ZHX2: variants seen among roughly 807,000 people sequenced by gnomAD.
ZHX2 encodes the protein zinc fingers and homeoboxes protein 2.
A neutral mutation model predicts 21.9 loss-of-function variants in ZHX2; 6 were observed. The observed-to-expected ratio is 0.27, with a 90% confidence interval of 0.15 to 0.54. The LOEUF (loss-of-function observed/expected upper bound fraction) is 0.54, where lower values mean the gene tolerates loss of function less well. ZHX2 is among the 20% of genes least tolerant of loss of function. ZHX2 has a pLI of 0.95. For missense variants in ZHX2, 908 were observed against 1,090.7 expected, an observed-to-expected ratio of 0.83 and a Z score of 2.36; for synonymous variants, 434 against 437.1, an observed-to-expected ratio of 0.99 and a Z score of 0.09.
At chr8:122,832,385 T>C (rs1427312190) in intron 1 of ZHX2, among the ~76,000 whole-genome samples, 1 of 152,176 alleles carries the variant, frequency 6.6e-6, no homozygotes, top group Non-Finnish European at 1.5e-5. Flanking sequence ...AGGCAGGCCG[T>C]CTGAGAACTG....
At chr8:122,915,719 C>T (rs1284843150) in intron 2 of ZHX2, among the ~76,000 whole-genome samples, 1 of 152,178 alleles carries the variant, frequency 6.6e-6, no homozygotes, top group South Asian at 2.1e-4. Context: ...CTCCATGTTG[C>T]GTGTCTCATT....
intron 2 of ZHX2, among the ~76,000 whole-genome samples, chr8:122,914,187 G>C (rs578075894): frequency 2.0e-5 from 3 of 152,348 alleles, no homozygotes; most frequent in Non-Finnish European, 4.4e-5. Flanking sequence ...AAGCAGGCAA[G>C]CCAGCAAGCT....
At chr8:122,960,598 G>A (rs906399012) in intron 3 of ZHX2, among the ~76,000 whole-genome samples, 1 of 152,058 alleles carries the variant, frequency 6.6e-6, no homozygotes, top group African/African-American at 2.4e-5. Flanking sequence ...AAAACCAAAG[G>A]GTTAGACCAA....
intron 3 of ZHX2, among the ~76,000 whole-genome samples, chr8:122,962,332 T>G (rs1354029012): frequency 6.6e-6 from 1 of 152,200 alleles, no homozygotes; most frequent in Non-Finnish European, 1.5e-5. Flanking sequence ...ATGCCTTTGC[T>G]TCCTCATAGC....
At chr8:122,917,756 A>G (rs934322695) in intron 2 of ZHX2, among the ~76,000 whole-genome samples, 1 of 152,178 alleles carries the variant, frequency 6.6e-6, no homozygotes, top group African/African-American at 2.4e-5. Flanking sequence ...ATCACTATCA[A>G]GCCTGTGTTG....
intron 2 of ZHX2, among the ~76,000 whole-genome samples, chr8:122,888,060 C>G (rs968468265): frequency 2.0e-5 from 3 of 152,164 alleles, no homozygotes; most frequent in African/African-American, 7.2e-5. Context: ...ACAGCAGGAG[C>G]CCCCTCTCTA....
At chr8:122,929,936 C>T (rs1269230178) in intron 2 of ZHX2, among the ~76,000 whole-genome samples, 1 of 152,122 alleles carries the variant, frequency 6.6e-6, no homozygotes, top group Non-Finnish European at 1.5e-5. Context: ...TAGTTTTGGT[C>T]CCCATCTTAA....
At chr8:122,853,630 C>A (rs1045720734) in intron 1 of ZHX2, among the ~76,000 whole-genome samples, 4 of 152,136 alleles carry the variant, frequency 2.6e-5, no homozygotes, top group Non-Finnish European at 5.9e-5. Context: ...TTGCTCTGGA[C>A]CTCACCCCTC....
chr8:122,927,385 C>T (rs1329954812), intron 2 of ZHX2, among the ~76,000 whole-genome samples: 3 of 152,140 alleles, frequency 2.0e-5, no homozygotes, highest in Non-Finnish European at 4.4e-5. Context: ...ATCCCAGATA[C>T]TTGGGAGGCC....
intron 1 of ZHX2, among the ~76,000 whole-genome samples, chr8:122,832,257 CT>C (rs1818394037): frequency 6.6e-6 from 1 of 152,170 alleles, no homozygotes; most frequent in Non-Finnish European, 1.5e-5. Flanking sequence ...ACTTAGTACA[CT>C]GCGGTGAGCT....
At chr8:122,822,737 G>A (rs1818180432) in intron 1 of ZHX2, among the ~76,000 whole-genome samples, 1 of 152,214 alleles carries the variant, frequency 6.6e-6, no homozygotes, top group African/African-American at 2.4e-5. Context: ...GGTGAATGTG[G>A]GAAGCCAGCG....
intron 2 of ZHX2, among the ~76,000 whole-genome samples, chr8:122,921,211 A>C (rs1333913714): frequency 2.7e-4 from 41 of 152,176 alleles, no homozygotes; most frequent in Admixed American, 2.6e-3. Context: ...CCTCCTGAGT[A>C]GATGAGATTA....
At chr8:122,933,251 G>C (rs1043825326) in intron 2 of ZHX2, among the ~76,000 whole-genome samples, 6 of 152,162 alleles carry the variant, frequency 3.9e-5, no homozygotes, top group African/African-American at 1.4e-4. Context: ...AAATGAAAAG[G>C]TTACACCAAG....
chr8:122,910,041 C>T (rs16897627), intron 2 of ZHX2, among the ~76,000 whole-genome samples: 3,109 of 152,028 alleles, frequency 0.02, 96 homozygotes, highest in African/African-American at 0.071. Context: ...TCTACTCAGA[C>T]ATCCTCCTTC....
At chr8:122,802,330 G>A (rs1205726004) in intron 1 of ZHX2, among the ~76,000 whole-genome samples, 2 of 152,224 alleles carry the variant, frequency 1.3e-5, no homozygotes, top group East Asian at 3.9e-4. Context: ...CCCAAAGTGC[G>A]GGGGTTAGAG....
chr8:122,880,794 GA>G lies in ZHX2; in HGVS notation c.-220+17256del. Among the ~76,000 whole-genome samples, 2 of 145,910 alleles carry G rather than the reference GA, an allele frequency of 1.4e-5. 1 individual carries two copies. The highest frequency in any genetic ancestry group is 1.4e-4 in the Admixed American group (2 of 14,732). On this transcript the variant is annotated intron_variant, in intron 2 of 3. Transcript: ENST00000314393. ...CACCTCAAAAAAAAAAAAAAATAGA[GA>G]GAGTGAGAGATGCTCATGAGTGAGA... is the stretch of plus-strand genomic sequence containing the variant.
intron 2 of ZHX2, among the ~76,000 whole-genome samples, chr8:122,883,764 GTT>G (rs888989433): frequency 3.5e-4 from 54 of 152,348 alleles, no homozygotes; most frequent in African/African-American, 1.3e-3. Flanking sequence ...TGTCAGAAGG[GTT>G]TCAGCTTGTG....
intron 1 of ZHX2, among the ~76,000 whole-genome samples, chr8:122,849,894 G>C (rs912129646): frequency 6.6e-6 from 1 of 152,132 alleles, no homozygotes; most frequent in Non-Finnish European, 1.5e-5. Flanking sequence ...GCCCCGCACA[G>C]AGCAAACGTT....
At chr8:122,946,959 A>G (rs1049655494) in intron 2 of ZHX2, among the ~76,000 whole-genome samples, 2 of 151,992 alleles carry the variant, frequency 1.3e-5, no homozygotes, top group African/African-American at 4.8e-5. Flanking sequence ...TAGCCTCCCT[A>G]CAGTTAATTT....
Sources: allele counts gnomAD v4.1 joint callset (sites outside exome capture counted in the v4.1 genomes callset), GRCh38; gene constraint gnomAD v4.1.1; transcripts MANE v1.5; gene names NCBI Gene and HGNC (gene_info 2026-07-23, HGNC 2026-07-21).